Variants in COL6A5 observed in about 807,000 individuals in gnomAD.
The protein encoded by COL6A5 is collagen type VI alpha 5 chain.
A neutral mutation model predicts 65.6 loss-of-function variants in COL6A5; 48 were observed. The ratio of observed to expected loss-of-function variants is 0.73; its 90% CI spans 0.58 to 0.93. The LOEUF is 0.93. Among genes scored for constraint, COL6A5 ranks in the 40% least tolerant of loss-of-function variants. COL6A5 has a pLI of 0.00. For synonymous variants in COL6A5, 291 were observed against 322.8 expected (o/e 0.90, Z 1.05); for missense variants, 914 against 928.3 (o/e 0.98, Z 0.20).
At chr3:130,382,406 G>A (rs747286330) in intron 4 of COL6A5, among the ~76,000 whole-genome samples, 9 of 152,148 alleles carry the variant, frequency 5.9e-5, no homozygotes, top group Non-Finnish European at 1.3e-4. Context: ...CAAAGCACTA[G>A]CAGCCAGTTT....
exon 10 of COL6A5, chr3:130,398,092 A>G (rs1936674142): frequency 6.5e-7 from 1 of 1,545,842 alleles, no homozygotes; most frequent in African/African-American, 1.4e-5. Flanking sequence ...AAAATCAATC[A>G]GACAGGCTCA....
chr3:130,394,049 C>A (rs1182264291), intron 7 of COL6A5, among the ~76,000 whole-genome samples: 1 of 152,134 alleles, frequency 6.6e-6, no homozygotes, highest in Non-Finnish European at 1.5e-5. Context: ...GTCTCAATTA[C>A]CTTTAGTAAT....
intron 7 of COL6A5, among the ~76,000 whole-genome samples, chr3:130,479,447 A>AAC (rs1272133439): frequency 1.6e-4 from 24 of 152,278 alleles, no homozygotes; most frequent in Middle Eastern, 3.4e-3. Context: ...AAACAACAAC[A>AAC]AACAAACAAA....
chr3:130,445,271 G>A (rs527310896), intron 4 of COL6A5, among the ~76,000 whole-genome samples: 1 of 152,294 alleles, frequency 6.6e-6, no homozygotes, highest in South Asian at 2.1e-4. Context: ...TGTATTGAGG[G>A]GGAGGATTCC....
At chr3:130,416,711 AG>A (rs1410805865) in intron 23 of COL6A5, 45 bp from the exon 24 acceptor site, 1 of 1,087,220 alleles carries the variant, frequency 9.2e-7, no homozygotes, top group African/African-American at 1.6e-5. Flanking sequence ...GGGCTTTCTA[AG>A]AATTACTACG....
intron 4 of COL6A5, among the ~76,000 whole-genome samples, chr3:130,447,940 A>C (rs1367732632): frequency 6.6e-6 from 1 of 152,204 alleles, no homozygotes; most frequent in Non-Finnish European, 1.5e-5. Flanking sequence ...ATAAAATCAA[A>C]CAATTTGTTT....
intron 7 of COL6A5, chr3:130,477,085 C>T: frequency 6.6e-7 from 1 of 1,518,850 alleles, no homozygotes; most frequent in Non-Finnish European, 8.8e-7. Context: ...CCTAAGAATT[C>T]AGTAATTAAT....
At chr3:130,467,366 T>G (rs1300780827) in intron 5 of COL6A5, among the ~76,000 whole-genome samples, 7 of 151,980 alleles carry the variant, frequency 4.6e-5, no homozygotes, top group Admixed American at 4.6e-4. Context: ...TATTTTAAAG[T>G]TAACACCAGT....
At chr3:130,445,194 A>G (rs143985303) in intron 4 of COL6A5, among the ~76,000 whole-genome samples, 3,509 of 152,326 alleles carry the variant, frequency 0.023, 130 homozygotes, top group African/African-American at 0.081. Context: ...GCCCATGATA[A>G]CAGCAATTAA....
intron 13 of COL6A5, among the ~76,000 whole-genome samples, chr3:130,404,493 A>G (rs1936920663): frequency 6.6e-6 from 1 of 152,212 alleles, no homozygotes. Context: ...GTAAGCAATT[A>G]TAAGTTCCTC....
chr3:130,395,151 A>C, exon 8 of COL6A5: 1 of 1,551,702 alleles, frequency 6.4e-7, no homozygotes, highest in Non-Finnish European at 8.7e-7. Flanking sequence ...CCAAGAATTG[A>C]CTTTGCCCTT....
chr3:130,465,622 G>A (rs934012156), intron 5 of COL6A5, among the ~76,000 whole-genome samples: 4 of 152,008 alleles, frequency 2.6e-5, no homozygotes, highest in African/African-American at 9.7e-5. Flanking sequence ...CTGCCTTCCA[G>A]AACTAAGCAC....
chr3:130,430,553 T>C (rs1288203510), upstream of COL6A5, among the ~76,000 whole-genome samples: 1 of 152,192 alleles, frequency 6.6e-6, no homozygotes, highest in East Asian at 1.9e-4. Flanking sequence ...ACAAGGACAT[T>C]GAAAAGTGAG....
chr3:130,429,569 A>G (rs771634648), upstream of COL6A5: 60 of 1,546,142 alleles, frequency 3.9e-5, no homozygotes, highest in Non-Finnish European at 5.2e-5. Flanking sequence ...TCTCCTTTTC[A>G]CAGCTTGCTG....
In COL6A5 at chr3:130,433,968, A is replaced by C. The variant is rs569747530; in HGVS notation, c.487+2019A>C. On this transcript the variant is annotated intron_variant, in intron 1 of 7. Transcript: ENST00000512836. ...CCTTTTTTTTTATTTCTTCTAAAAA[A>C]AAAAACAAAAACAAAAAAAACAGGA... Among the ~76,000 whole-genome samples the C allele has an allele frequency of 4.1e-3, 603 of 147,578 alleles. 3 individuals carry two copies. The highest frequency in any genetic ancestry group is 0.011 in the African/African-American group (471 of 41,242).
intron 7 of COL6A5, among the ~76,000 whole-genome samples, chr3:130,480,490 A>C (rs2935464): frequency 0.64 from 96,714 of 151,928 alleles, 33,722 homozygotes; most frequent in Non-Finnish European, 0.79. Context: ...ATTTAAGGAG[A>C]GAAATGAACA....
chr3:130,446,131 C>T (rs565866031), intron 4 of COL6A5, among the ~76,000 whole-genome samples: 19 of 152,158 alleles, frequency 1.2e-4, no homozygotes, highest in East Asian at 5.8e-4. Context: ...GGTGCATGTC[C>T]GAGGCACAGA....
chr3:130,429,401 C>A (rs983355232), upstream of COL6A5, among the ~76,000 whole-genome samples: 9 of 152,234 alleles, frequency 5.9e-5, no homozygotes, highest in African/African-American at 1.9e-4. Context: ...TAATAAAATT[C>A]TGTTGACATC....
chr3:130,433,786 G>A (rs1937922596), intron 1 of COL6A5, among the ~76,000 whole-genome samples: 1 of 151,994 alleles, frequency 6.6e-6, no homozygotes, highest in African/African-American at 2.4e-5. Flanking sequence ...AGAGTTTCTT[G>A]TTGTTTTGAT....
Sources: gnomAD v4.1 joint callset for allele counts (sites outside exome capture counted in the v4.1 genomes callset) on GRCh38, gnomAD v4.1.1 for gene constraint, MANE v1.5 for transcripts, NCBI Gene and HGNC (gene_info 2026-07-23, HGNC 2026-07-21) for gene names.